LTBP1: variants seen among roughly 807,000 people sequenced by gnomAD.
The protein encoded by LTBP1 is latent transforming growth factor beta binding protein 1, also known as latent-transforming growth factor beta-binding protein 1.
LTBP1 carries 129 observed loss-of-function variants against 207.6 expected under a neutral mutation model. The ratio of observed to expected loss-of-function variants is 0.62; its 90% CI spans 0.54 to 0.72. LTBP1 has a LOEUF of 0.72. LTBP1 is among the 30% of genes least tolerant of loss of function. The pLI, the probability that LTBP1 is intolerant of heterozygous loss-of-function variation, is 0.00. For synonymous variants in LTBP1, 963 were observed against 833.7 expected (o/e 1.16, Z -2.67); for missense variants, 2,281 against 2,217.2 (o/e 1.03, Z -0.58).
At chr2:33,010,462 A>G (rs1195037835) in intron 2 of LTBP1, among the ~76,000 whole-genome samples, 3 of 152,238 alleles carry the variant, frequency 2.0e-5, no homozygotes, top group Admixed American at 6.5e-5. Context: ...ATAGCAGAGT[A>G]GGTGGCTAAA....
chr2:33,108,186 C>T (rs553396600), intron 3 of LTBP1, among the ~76,000 whole-genome samples: 9 of 151,932 alleles, frequency 5.9e-5, no homozygotes, highest in Admixed American at 1.3e-4. Flanking sequence ...CTACTTGCCT[C>T]AGCAGGGGTC....
intron 3 of LTBP1, 128 bp from the exon 4 acceptor site, chr2:33,110,454 A>G: frequency 1.3e-6 from 1 of 790,264 alleles, no homozygotes; most frequent in Non-Finnish European, 2.0e-6. Flanking sequence ...TATTTGAAGG[A>G]AAAAAAATGA....
At chr2:33,022,312 C>CT (rs139929045) in intron 3 of LTBP1, among the ~76,000 whole-genome samples, 14,152 of 92,268 alleles carry the variant, frequency 0.15, 916 homozygotes, top group Middle Eastern at 0.26. Flanking sequence ...CTAATTTCTT[C>CT]TTGTCTCATA....
intron 23 of LTBP1, among the ~76,000 whole-genome samples, chr2:33,313,512 T>G (rs895612804): frequency 1.3e-5 from 2 of 152,206 alleles, no homozygotes; most frequent in Admixed American, 1.3e-4. Context: ...TCTGTACCTT[T>G]TCCCTGTCCT....
intron 26 of LTBP1, among the ~76,000 whole-genome samples, chr2:33,349,440 A>C (rs2094749697): frequency 7.2e-6 from 1 of 139,472 alleles, no homozygotes. Flanking sequence ...ATTCTGTCTC[A>C]AAAGAAAAAA....
At chr2:33,082,179 C>G (rs1180916579) in intron 3 of LTBP1, among the ~76,000 whole-genome samples, 1 of 152,050 alleles carries the variant, frequency 6.6e-6, no homozygotes, top group African/African-American at 2.4e-5. Flanking sequence ...ATAAGCTCAG[C>G]CCCCTTTTCT....
At chr2:33,027,418 T>C (rs1022142971) in intron 3 of LTBP1, among the ~76,000 whole-genome samples, 1 of 152,218 alleles carries the variant, frequency 6.6e-6, no homozygotes, top group African/African-American at 2.4e-5. Flanking sequence ...TACAGTATTA[T>C]TTACTATAGT....
chr2:33,227,059 C>T (rs568900337), intron 9 of LTBP1, among the ~76,000 whole-genome samples: 3 of 149,074 alleles, frequency 2.0e-5, no homozygotes, highest in African/African-American at 2.5e-5. Context: ...TTTTTTGAGA[C>T]GGAGTCTTGT....
chr2:33,084,518 T>C (rs1183231653), intron 3 of LTBP1, among the ~76,000 whole-genome samples: 2 of 152,088 alleles, frequency 1.3e-5, no homozygotes, highest in African/African-American at 4.8e-5. Context: ...GGGAACTCTG[T>C]TGGAGAGCCT....
intron 15 of LTBP1, among the ~76,000 whole-genome samples, chr2:33,265,662 C>T (rs2093155626): frequency 6.6e-6 from 1 of 151,664 alleles, no homozygotes; most frequent in Non-Finnish European, 1.5e-5. Flanking sequence ...TGAGAAAATG[C>T]TGGGAGAAAA....
At chr2:33,357,385 A>C (rs2094876359) in intron 26 of LTBP1, among the ~76,000 whole-genome samples, 2 of 152,208 alleles carry the variant, frequency 1.3e-5, no homozygotes, top group Non-Finnish European at 2.9e-5. Flanking sequence ...CTCAAAGATG[A>C]AAAAACACAG....
At chr2:33,353,854 G>A (rs1573980429) in intron 26 of LTBP1, among the ~76,000 whole-genome samples, 1 of 144,604 alleles carries the variant, frequency 6.9e-6, no homozygotes, top group Admixed American at 6.9e-5. Flanking sequence ...TTTTGTGCAT[G>A]TACGCCTTTT....
At chr2:33,111,246 A>T (rs2080381434) in intron 4 of LTBP1, among the ~76,000 whole-genome samples, 1 of 152,150 alleles carries the variant, frequency 6.6e-6, no homozygotes, top group Non-Finnish European at 1.5e-5. Context: ...GTAAAGCGCT[A>T]TTGTATCAGT....
intron 5 of LTBP1, among the ~76,000 whole-genome samples, chr2:33,179,892 T>G (rs529053515): frequency 1.9e-4 from 29 of 152,292 alleles, no homozygotes; most frequent in African/African-American, 5.8e-4. Context: ...CTGCCTTATA[T>G]CCTTATGGAA....
chr2:33,094,393 T>C (rs1203695420), intron 3 of LTBP1, among the ~76,000 whole-genome samples: 1 of 152,268 alleles, frequency 6.6e-6, no homozygotes, highest in African/African-American at 2.4e-5. Context: ...GACTTGTTTC[T>C]GCCATTGTTG....
intron 10 of LTBP1, among the ~76,000 whole-genome samples, chr2:33,251,079 T>A (rs566220984): frequency 6.6e-6 from 1 of 152,160 alleles, no homozygotes; most frequent in African/African-American, 2.4e-5. Flanking sequence ...CCAATGCCAG[T>A]GTACGCTGCC....
chr2:33,315,915 C>T (rs539126912), intron 24 of LTBP1, among the ~76,000 whole-genome samples: 7 of 152,160 alleles, frequency 4.6e-5, no homozygotes, highest in East Asian at 1.9e-4. Context: ...CCAGCCTGGG[C>T]GACAAGAGTA....
chr2:33,210,740 C>T (rs541973785), intron 7 of LTBP1, among the ~76,000 whole-genome samples: 2 of 152,266 alleles, frequency 1.3e-5, no homozygotes, highest in South Asian at 4.1e-4. Context: ...CCTGTCTTTA[C>T]CCTCCTCCGT....
At chr2:33,044,896 G>A (rs6756305) in intron 3 of LTBP1, among the ~76,000 whole-genome samples, 14,331 of 152,034 alleles carry the variant, frequency 0.094, 894 homozygotes, top group Non-Finnish European at 0.14. Flanking sequence ...TGTGTTGGCC[G>A]CATGAATGTC....
Sources: allele counts gnomAD v4.1 joint callset (sites outside exome capture counted in the v4.1 genomes callset), GRCh38; gene constraint gnomAD v4.1.1; transcripts MANE v1.5; gene names NCBI Gene and HGNC (gene_info 2026-07-23, HGNC 2026-07-21).